The following HIVEP1 variants were observed in gnomAD, a reference collection of about 807,000 sequenced individuals.
HIVEP1 encodes zinc finger protein 40.
A neutral mutation model predicts 180.0 loss-of-function variants in HIVEP1; 36 were observed. That is an observed-to-expected ratio of 0.20 (90% CI 0.15 to 0.26). HIVEP1 has a LOEUF of 0.26. Ranked by LOEUF, HIVEP1 falls within the 10% of genes least tolerant of loss-of-function variation. The pLI, the probability that HIVEP1 is intolerant of heterozygous loss-of-function variation, is 1.00. For synonymous variants in HIVEP1, 1,239 were observed against 1,239.0 expected (o/e 1.00, Z 0.00); for missense variants, 3,143 against 3,268.7 (o/e 0.96, Z 0.94).
chr6:12,108,063 C>T (rs1002812224), intron 3 of HIVEP1, among the ~76,000 whole-genome samples: 12 of 151,790 alleles, frequency 7.9e-5, no homozygotes, highest in Admixed American at 3.3e-4. Context: ...TGTTTACAAA[C>T]CTTGGGCTAG....
At chr6:12,114,513 G>A (rs1775100471) in intron 3 of HIVEP1, among the ~76,000 whole-genome samples, 1 of 151,872 alleles carries the variant, frequency 6.6e-6, no homozygotes, top group South Asian at 2.1e-4. Flanking sequence ...CCTCTCCACA[G>A]CATATTCTCT....
intron 2 of HIVEP1, among the ~76,000 whole-genome samples, chr6:12,046,329 C>A (rs981516480): frequency 1.3e-5 from 2 of 152,194 alleles, no homozygotes; most frequent in African/African-American, 2.4e-5. Context: ...TGGACCTGTT[C>A]AACTCTCATT....
rs761890012 is a variant in HIVEP1 at position 12,124,990 on chromosome 6, G to T, written c.5195G>T (p.Gly1732Val). 1.9e-6 allele frequency: 3 copies of T among 1,614,158 alleles called. No individual in the cohort carries two copies. The highest frequency in any genetic ancestry group is 3.3e-4 in the Middle Eastern group (2 of 6,062). ...SLPITQKISV[G>V]RLSPQQESSA... Reference sequence around the variant, plus strand: ...CCCATAACTCAGAAAATATCTGTTGGTCGACTTTCCCCTCAACAAGAATCT... The same window carrying T: ...CCCATAACTCAGAAAATATCTGTTGTTCGACTTTCCCCTCAACAAGAATCT... The change falls in exon 4 of 9, where the codon GGT becomes GTT. Residue 1732 changes from glycine (G) to valine (V), a missense_variant. This residue lies in a region of HIVEP1 where 1,357 missense variants were observed against 1,260.5 expected (regional missense o/e 1.08). Transcript: ENST00000379388.
the HIVEP1 span, among the ~76,000 whole-genome samples, chr6:12,182,600 T>A: frequency 4.6e-5 from 7 of 152,176 alleles, no homozygotes; most frequent in East Asian, 9.6e-4. Flanking sequence ...AAAGATGATG[T>A]GACATAGTGA....
chr6:12,164,018 C>G lies in HIVEP1; in HGVS notation c.7714C>G (p.Pro2572Ala). The change falls in exon 9 of 9, where the codon CCA becomes GCA. Residue 2572 changes from proline to alanine, a missense_variant. Physicochemically the swap from Pro to Ala is conservative, Grantham distance 27. Coordinates refer to ENST00000379388, the MANE Select transcript of HIVEP1 (RefSeq NM_002114.4). Reference protein sequence around the residue: ...AVDAQGAPEMPASQSKACETQ... With the variant: ...AVDAQGAPEMAASQSKACETQ... ...TGATGCACAGGGAGCTCCAGAAATG[C>G]CAGCTTCCCAAAGCAAAGCATGCGA... 6.2e-7 allele frequency: 1 copy of G among 1,614,132 alleles called. No individual in the cohort carries two copies.
intron 3 of HIVEP1, among the ~76,000 whole-genome samples, chr6:12,107,586 G>A (rs542540293): frequency 1.6e-4 from 25 of 152,244 alleles, no homozygotes; most frequent in Admixed American, 6.5e-4. Flanking sequence ...TCTGATGTTC[G>A]GATGTGTTCG....
At chr6:12,047,624 G>A (rs1483746223) in intron 2 of HIVEP1, among the ~76,000 whole-genome samples, 4 of 152,182 alleles carry the variant, frequency 2.6e-5, no homozygotes, top group East Asian at 1.9e-4. Context: ...TCTTCTTTCC[G>A]TCCTGTCACA....
chr6:12,115,511 T>C (rs941809375), intron 3 of HIVEP1, among the ~76,000 whole-genome samples: 1 of 151,946 alleles, frequency 6.6e-6, no homozygotes, highest in Non-Finnish European at 1.5e-5. Context: ...CTCTCCTGAG[T>C]GTGCTTTGTA....
chr6:12,041,236 A>G (rs181573240), intron 2 of HIVEP1, among the ~76,000 whole-genome samples: 8 of 152,146 alleles, frequency 5.3e-5, no homozygotes, highest in Middle Eastern at 3.4e-3. Flanking sequence ...CCTGGCTAAC[A>G]TGGTGAAACC....
chr6:12,089,855 T>C (rs542370083), intron 3 of HIVEP1, among the ~76,000 whole-genome samples: 59 of 151,752 alleles, frequency 3.9e-4, no homozygotes, highest in African/African-American at 1.4e-3. Context: ...AGTATTTATA[T>C]GTATATATAT....
intron 2 of HIVEP1, among the ~76,000 whole-genome samples, chr6:12,086,979 A>G (rs1196661235): frequency 6.6e-6 from 1 of 152,150 alleles, no homozygotes; most frequent in Non-Finnish European, 1.5e-5. Context: ...AAATATAAAC[A>G]GGAATTGTAA....
intron 6 of HIVEP1, among the ~76,000 whole-genome samples, chr6:12,133,770 G>T (rs1208387840): frequency 6.6e-6 from 1 of 152,170 alleles, no homozygotes; most frequent in African/African-American, 2.4e-5. Context: ...ATTGCCTGAG[G>T]TCAGGAGATT....
chr6:12,128,438 A>T (rs1467261701), intron 4 of HIVEP1, among the ~76,000 whole-genome samples: 1 of 152,198 alleles, frequency 6.6e-6, no homozygotes, highest in African/African-American at 2.4e-5. Context: ...AAGTCATTTC[A>T]GCACCACAGC....
intron 2 of HIVEP1, among the ~76,000 whole-genome samples, chr6:12,042,403 C>CA (rs1769832431): frequency 2.5e-5 from 3 of 120,498 alleles, no homozygotes; most frequent in Non-Finnish European, 5.2e-5. Flanking sequence ...TTTTTTGAGA[C>CA]AGAGTCTCCC....
Position 12,124,771 on chromosome 6 carries a change from T to TAA in HIVEP1, c.4977_4978insAA (p.Val1660LysfsTer2). 1 of 1,614,172 alleles carries TAA rather than the reference T, an allele frequency of 6.2e-7. No homozygotes were observed. The highest frequency in any genetic ancestry group is 8.5e-7 in the Non-Finnish European group (1 of 1,180,026). On this transcript the variant is annotated frameshift_variant, in exon 4 of 9. Transcript: ENST00000379388. LOFTEE classifies it high-confidence loss of function. ...ACACTCACATCCCTGCCACAAATAC[T>TAA]AGTGACCCAAGATCTGCCCAATCAG...
At chr6:12,201,495 C>CA in the HIVEP1 span, among the ~76,000 whole-genome samples, 37 of 151,450 alleles carry the variant, frequency 2.4e-4, no homozygotes, top group South Asian at 8.4e-4. Flanking sequence ...AACAAACAAA[C>CA]AAACAAAACA....
At chr6:12,211,166 G>A in the HIVEP1 span, among the ~76,000 whole-genome samples, 4 of 145,552 alleles carry the variant, frequency 2.7e-5, no homozygotes, top group African/African-American at 7.9e-5. Flanking sequence ...TTGGGAGGCT[G>A]AGGCGGGCGG....
downstream of HIVEP1, among the ~76,000 whole-genome samples, chr6:12,166,416 T>C (rs1052296629): frequency 7.2e-5 from 11 of 152,242 alleles, no homozygotes; most frequent in Non-Finnish European, 1.3e-4. Flanking sequence ...TGCTGTAATG[T>C]ACCTTACTCT....
intron 4 of HIVEP1, among the ~76,000 whole-genome samples, chr6:12,126,875 T>C (rs777961993): frequency 5.9e-5 from 9 of 152,160 alleles, no homozygotes; most frequent in Non-Finnish European, 1.2e-4. Context: ...GCTTTTTTTT[T>C]CGAGACAGAA....
Sources: allele counts gnomAD v4.1 joint callset (sites outside exome capture counted in the v4.1 genomes callset), GRCh38; gene constraint gnomAD v4.1.1; regional missense constraint gnomAD v4.1.1; transcripts MANE v1.5; gene names NCBI Gene and HGNC (gene_info 2026-07-23, HGNC 2026-07-21).